The following HPN variants were observed in gnomAD, a reference collection of about 807,000 sequenced individuals.
HPN encodes serine protease hepsin.
In HPN, 13 loss-of-function variants were observed where a neutral mutation model predicts 55.9. The observed-to-expected ratio is 0.23, with a 90% CI of 0.15 to 0.37. The LOEUF (loss-of-function observed/expected upper bound fraction) is 0.37. Among genes scored for constraint, HPN ranks in the 10% least tolerant of loss-of-function variants. The probability of loss-of-function intolerance (pLI) is 1.00; values close to 1 mark genes in which losing one functional copy is unlikely to be tolerated. For missense variants in HPN, 451 were observed against 575.8 expected, an observed-to-expected ratio of 0.78 and a Z score of 2.22; for synonymous variants, 225 against 240.3, an observed-to-expected ratio of 0.94 and a Z score of 0.59.
chr19:35,060,881 CA>C, intron 9 of HPN, 64 bp downstream of exon 9: 2 of 1,390,576 alleles, frequency 1.4e-6, no homozygotes, highest in Non-Finnish European at 1.9e-6. Flanking sequence ...AGGAGGGGAC[CA>C]GGGGCACAAG....
intron 4 of HPN, among the ~76,000 whole-genome samples, chr19:35,052,981 GAAAC>G (rs1004672084): frequency 2.6e-5 from 4 of 152,018 alleles, no homozygotes; most frequent in African/African-American, 4.8e-5. Context: ...GGGAAATGAT[GAAAC>G]AAACAAACAA....
At chr19:35,044,915 G>A (rs979414073) in intron 2 of HPN, among the ~76,000 whole-genome samples, 1 of 152,008 alleles carries the variant, frequency 6.6e-6, no homozygotes, top group Non-Finnish European at 1.5e-5. Flanking sequence ...AGAGAAAGAA[G>A]GAAACGGGGG....
chr19:35,040,877 C>T (rs1341551726), upstream of HPN, among the ~76,000 whole-genome samples: 3 of 152,232 alleles, frequency 2.0e-5, no homozygotes, highest in African/African-American at 7.2e-5. Flanking sequence ...CTGGGCACAG[C>T]GGGCACGTGT....
intron 2 of HPN, 88 bp downstream of exon 2, chr19:35,042,610 C>G (rs1050298298): frequency 5.2e-6 from 6 of 1,155,802 alleles, no homozygotes; most frequent in Non-Finnish European, 7.5e-6. Flanking sequence ...TCTTCGGAGC[C>G]CCCTCTCTCT....
intron 4 of HPN, chr19:35,050,664 G>A: frequency 2.1e-6 from 1 of 481,214 alleles, no homozygotes; most frequent in South Asian, 2.0e-5. Context: ...GAAAAAAGGG[G>A]AAGTTGGGTG....
At chr19:35,041,690 A>AAACCC, upstream of HPN, 2 of 773,484 alleles carry the variant, frequency 2.6e-6, no homozygotes, top group Non-Finnish European at 2.9e-6. Flanking sequence ...CCGCCCCTTC[A>AAACCC]CCCGCCCCTC....
At chr19:35,062,708 C>T (rs2064550389) in intron 9 of HPN, among the ~76,000 whole-genome samples, 1 of 152,046 alleles carries the variant, frequency 6.6e-6, no homozygotes, top group Non-Finnish European at 1.5e-5. Flanking sequence ...CATGGCAAAA[C>T]CCCATCTCTA....
At chr19:35,057,350 C>T (rs975155498) in intron 4 of HPN, among the ~76,000 whole-genome samples, 4 of 151,118 alleles carry the variant, frequency 2.6e-5, no homozygotes, top group African/African-American at 4.9e-5. Flanking sequence ...GGCTTGAATC[C>T]GGGAGGCGGA....
intron 2 of HPN, among the ~76,000 whole-genome samples, chr19:35,044,464 G>A (rs2064322165): frequency 1.3e-5 from 2 of 152,216 alleles, no homozygotes; most frequent in African/African-American, 4.8e-5. Context: ...AGGTGTGCAA[G>A]CTGGACCAGG....
intron 4 of HPN, among the ~76,000 whole-genome samples, chr19:35,054,430 A>AC (rs993528408): frequency 3.9e-5 from 6 of 151,930 alleles, no homozygotes; most frequent in African/African-American, 1.5e-4. Flanking sequence ...AAAAAAAAAA[A>AC]AAAACCGAAG....
At chr19:35,061,699 G>T (rs2064534971) in intron 9 of HPN, among the ~76,000 whole-genome samples, 1 of 152,126 alleles carries the variant, frequency 6.6e-6, no homozygotes. Context: ...CTACCACAAG[G>T]ATGAAACTTG....
At chr19:35,052,535 A>T (rs2064415398) in intron 4 of HPN, among the ~76,000 whole-genome samples, 1 of 4,812 alleles carries the variant, frequency 2.1e-4, no homozygotes, top group African/African-American at 5.0e-4. Flanking sequence ...AGTCTGTCTC[A>T]AAAAAAAAAA....
Position 35,065,686 on chromosome 19 carries a change from G to C in HPN, c.1050+5G>C. The C allele has an allele frequency of 1.2e-6, 2 of 1,614,054 alleles. No homozygotes were observed. Among genetic ancestry groups the C allele is most frequent in the Non-Finnish European group, 1.7e-6 (2 of 1,180,016 alleles). ...GGTGGCATTGATGCCTGCCAGGTGA[G>C]GGACTCTGTAGGGGCAGCCCCCTGG... On this transcript the variant is annotated splice_donor_5th_base_variant and intron_variant, in intron 11 of 12. Transcript: ENST00000672452.
In HPN at chr19:35,049,459, C is replaced by A. The variant is rs1205702515; in HGVS notation, c.119-16C>A. On this transcript the variant is annotated splice_polypyrimidine_tract_variant and intron_variant, in intron 3 of 12. Transcript: ENST00000672452. ...AGCCTCCAGCCTGCCTGCCCTCACC[C>A]CTCCCTTCTCTGCAGTGGCTGTTCT... 6.2e-7 allele frequency: 1 copy of A among 1,612,784 alleles called. No individual in the cohort carries two copies. The highest frequency in any genetic ancestry group is 1.3e-5 in the African/African-American group (1 of 74,908).
intron 4 of HPN, among the ~76,000 whole-genome samples, chr19:35,057,285 G>A (rs1221885963): frequency 2.6e-5 from 4 of 152,132 alleles, no homozygotes; most frequent in African/African-American, 9.7e-5. Flanking sequence ...AATTAGCCAA[G>A]TGTGGTGGCA....
intron 4 of HPN, among the ~76,000 whole-genome samples, chr19:35,051,058 A>G (rs1452426872): frequency 2.7e-5 from 4 of 150,444 alleles, no homozygotes; most frequent in Non-Finnish European, 4.4e-5. Flanking sequence ...CTGGGACTAT[A>G]GGCTAATGCC....
intron 4 of HPN, 22 bp from the exon 5 acceptor site, chr19:35,059,651 C>T (rs987537777): frequency 7.6e-6 from 12 of 1,580,544 alleles, no homozygotes; most frequent in Non-Finnish European, 1.0e-5. Flanking sequence ...CCCAGGCGGC[C>T]CCGGGCCCTG....
In HPN at chr19:35,041,871, G is replaced by C. The variant is rs758289541; in HGVS notation, c.-56G>C. 7.5e-7 allele frequency: 1 copy of C among 1,340,988 alleles called. No homozygotes were observed. Among genetic ancestry groups the C allele is most frequent in the Non-Finnish European group, 9.8e-7 (1 of 1,017,274 alleles). 83.1% of individuals were successfully genotyped at this position (1,340,988 alleles called of 1,614,324 possible). On this transcript the variant is annotated splice_region_variant and 5_prime_UTR_variant, in exon 1 of 13. Coordinates refer to ENST00000672452, the MANE Select transcript of HPN (RefSeq NM_001384133.1). ...CTCCGCCCCCACCTGCTGGACCCCAGGGTAAGGACAAGGGCCCCCAGACTC... is the reference window on the plus strand; with the variant it reads ...CTCCGCCCCCACCTGCTGGACCCCACGGTAAGGACAAGGGCCCCCAGACTC...
chr19:35,042,163 G>T, intron 1 of HPN: 1 of 1,182,502 alleles, frequency 8.5e-7, no homozygotes, highest in Non-Finnish European at 1.1e-6. Context: ...CAAGACTTAT[G>T]ATTTCAGGTC....
Sources: gnomAD v4.1 joint callset for allele counts (sites outside exome capture counted in the v4.1 genomes callset) on GRCh38, gnomAD v4.1.1 for gene constraint, MANE v1.5 for transcripts, NCBI Gene and HGNC (gene_info 2026-07-23, HGNC 2026-07-21) for gene names.